The following MYO5A variants were observed in gnomAD, a reference collection of about 807,000 sequenced individuals.
MYO5A encodes the protein myosin VA, also known as unconventional myosin-Va.
A neutral mutation model predicts 249.7 loss-of-function variants in MYO5A; 98 were observed. That is an observed-to-expected ratio of 0.39 (90% CI 0.33 to 0.46). The LOEUF (loss-of-function observed/expected upper bound fraction) is 0.46, where lower values mean the gene tolerates loss of function less well. MYO5A is among the 20% of genes least tolerant of loss of function. MYO5A has a pLI of 0.98. For missense variants in MYO5A, 1,696 were observed against 2,308.8 expected, an observed-to-expected ratio of 0.73 and a Z score of 5.44; for synonymous variants, 778 against 810.6, an observed-to-expected ratio of 0.96 and a Z score of 0.68.
At chr15:52,405,704 G>T (rs954178701) in intron 8 of MYO5A, among the ~76,000 whole-genome samples, 22 of 152,136 alleles carry the variant, frequency 1.4e-4, no homozygotes, top group Admixed American at 2.6e-4. Context: ...TTTGAGATAT[G>T]AAAATAATAG....
At chr15:52,436,020 C>A (rs754876630) in intron 1 of MYO5A, among the ~76,000 whole-genome samples, 7 of 152,070 alleles carry the variant, frequency 4.6e-5, no homozygotes, top group Admixed American at 3.9e-4. Flanking sequence ...GGGGTTCAAG[C>A]GATTCTCCTG....
chr15:52,351,212 C>A, intron 28 of MYO5A, 42 bp downstream of exon 28: 1 of 1,500,340 alleles, frequency 6.7e-7, no homozygotes, highest in Non-Finnish European at 9.2e-7. Context: ...GATATTGAGG[C>A]CAGTCCCCGA....
At chr15:52,485,671 A>G (rs1167147832) in intron 1 of MYO5A, among the ~76,000 whole-genome samples, 1 of 152,234 alleles carries the variant, frequency 6.6e-6, no homozygotes, top group Non-Finnish European at 1.5e-5. Context: ...CATCATAGCC[A>G]GAAAGGAGTG....
chr15:52,352,115 G>A (rs917760043), intron 27 of MYO5A, among the ~76,000 whole-genome samples: 13 of 152,196 alleles, frequency 8.5e-5, no homozygotes, highest in Non-Finnish European at 1.5e-4. Flanking sequence ...TGGGAGGCAG[G>A]AGGCAAGGCT....
intron 1 of MYO5A, among the ~76,000 whole-genome samples, chr15:52,456,344 T>C (rs1353880651): frequency 1.3e-5 from 2 of 152,218 alleles, no homozygotes; most frequent in African/African-American, 4.8e-5. Context: ...AGATATTCCA[T>C]GCTTGTGGAT....
chr15:52,480,466 G>A (rs764771149), intron 1 of MYO5A, among the ~76,000 whole-genome samples: 5 of 152,128 alleles, frequency 3.3e-5, no homozygotes, highest in Non-Finnish European at 5.9e-5. Flanking sequence ...AAGAAAACTA[G>A]AGCTCCAAGA....
chr15:52,528,143 T>C (rs2077759109), intron 1 of MYO5A, among the ~76,000 whole-genome samples: 1 of 152,114 alleles, frequency 6.6e-6, no homozygotes, highest in African/African-American at 2.4e-5. Context: ...TCTGCGGGAT[T>C]ACACGCAGGT....
rs1457386276 is a variant in MYO5A, at chr15:52,353,863, C to A, written c.3567+8G>T. ...GCTTCAGCTCTGCGGATGGGCTGTG[C>A]TGCGCACCTTGGCCTTGCTGCGGAG... is the stretch of plus-strand genomic sequence containing the variant. On this transcript the variant is annotated splice_region_variant and intron_variant, in intron 26 of 41. Coordinates refer to ENST00000399233, the MANE Select transcript of MYO5A (RefSeq NM_001382347.1). 2 of 1,613,410 alleles carry A rather than the reference C, an allele frequency of 1.2e-6. No homozygotes were observed. Among genetic ancestry groups the A allele is most frequent in the South Asian group, 2.2e-5 (2 of 91,066 alleles).
rs116964149 is a variant in MYO5A at position 52,347,354 on chromosome 15, T to C, written c.3859-893A>G. Among the ~76,000 whole-genome samples the C allele has an allele frequency of 1.9e-3, 282 of 152,302 alleles. 8 individuals carry two copies. In the East Asian group the frequency reaches 0.037, roughly 20 times the overall value. ...AAACTTAAAGCAAAAAAAGAAACCC[T>C]GCTGTGTAGCCTCTAAAAAACAATA... On this transcript the variant is annotated intron_variant, in intron 29 of 41. Transcript: ENST00000399233.
chr15:52,496,863 C>A (rs1169822350), intron 1 of MYO5A, among the ~76,000 whole-genome samples: 1 of 152,196 alleles, frequency 6.6e-6, no homozygotes. Context: ...CAGGGTAGTC[C>A]TGAGTTGGCA....
At chr15:52,488,797 CTT>C (rs988978604) in intron 1 of MYO5A, among the ~76,000 whole-genome samples, 2 of 152,102 alleles carry the variant, frequency 1.3e-5, no homozygotes, top group Non-Finnish European at 2.9e-5. Context: ...GTTTCAAAAA[CTT>C]TTCAAAATAA....
intron 39 of MYO5A, among the ~76,000 whole-genome samples, chr15:52,317,709 A>C (rs575828147): frequency 6.6e-6 from 1 of 152,348 alleles, no homozygotes; most frequent in East Asian, 1.9e-4. Context: ...CCTTAAGGGA[A>C]GAGCCTAGGA....
chr15:52,524,553 CTAAATAAATAAATAAA>C (rs55753650), intron 1 of MYO5A, among the ~76,000 whole-genome samples: 17 of 140,950 alleles, frequency 1.2e-4, no homozygotes, highest in Middle Eastern at 3.6e-3. Flanking sequence ...GACCCTGAAC[CTAAATAAATAAATAAA>C]TAAATAAATA....
chr15:52,322,506 G>A (rs1035916345), intron 37 of MYO5A, among the ~76,000 whole-genome samples: 3 of 152,214 alleles, frequency 2.0e-5, no homozygotes, highest in African/African-American at 7.2e-5. Flanking sequence ...GAGCCCCAGT[G>A]AGCCTTGGCT....
chr15:52,343,643 G>A (rs1019242583), intron 30 of MYO5A, among the ~76,000 whole-genome samples: 5 of 152,210 alleles, frequency 3.3e-5, no homozygotes, highest in South Asian at 2.1e-4. Context: ...AGGTAGGAAC[G>A]TTTTTAGCTT....
chr15:52,456,421 T>C (rs1194160625), intron 1 of MYO5A, among the ~76,000 whole-genome samples: 2 of 152,076 alleles, frequency 1.3e-5, no homozygotes, highest in East Asian at 1.9e-4. Flanking sequence ...ATGCAATCCA[T>C]TTCAAAAATA....
At chr15:52,327,510 C>T (rs191059439) in intron 36 of MYO5A, among the ~76,000 whole-genome samples, 17 of 152,196 alleles carry the variant, frequency 1.1e-4, no homozygotes, top group Admixed American at 1.1e-3. Context: ...GAACTGGAGA[C>T]CAGCCTGGGC....
At chr15:52,440,852 T>C (rs578144213) in intron 1 of MYO5A, among the ~76,000 whole-genome samples, 10 of 152,250 alleles carry the variant, frequency 6.6e-5, no homozygotes, top group Non-Finnish European at 1.3e-4. Flanking sequence ...ATTTGCTTTA[T>C]AGCACATGTG....
chr15:52,342,263 G>A (rs1417171654), intron 31 of MYO5A, among the ~76,000 whole-genome samples: 2 of 152,154 alleles, frequency 1.3e-5, no homozygotes, highest in African/African-American at 4.8e-5. Context: ...GGAGGCTGAG[G>A]CAGGAGGATC....
Sources: gnomAD v4.1 joint callset for allele counts (sites outside exome capture counted in the v4.1 genomes callset) on GRCh38, gnomAD v4.1.1 for gene constraint, MANE v1.5 for transcripts, NCBI Gene and HGNC (gene_info 2026-07-23, HGNC 2026-07-21) for gene names.